NOL8: variants seen among roughly 807,000 people sequenced by gnomAD.
The protein encoded by NOL8 is nucleolar protein Nop132.
A neutral mutation model predicts 116.1 loss-of-function variants in NOL8; 93 were observed. The observed-to-expected ratio is 0.80, with a 90% CI of 0.68 to 0.95. The LOEUF is 0.95. Ranked by LOEUF, NOL8 falls within the 40% of genes least tolerant of loss-of-function variation. The probability of loss-of-function intolerance (pLI) is 0.00; values close to 1 mark genes in which losing one functional copy is unlikely to be tolerated. For missense variants in NOL8, 1,291 were observed against 1,382.8 expected, an observed-to-expected ratio of 0.93 and a Z score of 1.05; for synonymous variants, 419 against 469.0, an observed-to-expected ratio of 0.89 and a Z score of 1.38.
chr9:92,298,503 A>AT, intron 15 of NOL8, 167 bp from the exon 16 acceptor site: 1 of 566,046 alleles, frequency 1.8e-6, no homozygotes, highest in East Asian at 3.0e-5. Flanking sequence ...AATGAAAAAT[A>AT]TAATATTGCT....
chr9:92,310,612 C>T lies in NOL8; in HGVS notation c.2536G>A (p.Glu846Lys). The change falls in exon 9 of 17, where the codon GAA (glutamate) becomes AAA (lysine). Residue 846 changes from glutamate to lysine, a missense_variant. Glu to Lys is a moderately conservative substitution (Grantham distance 56). Coordinates refer to ENST00000442668, the MANE Select transcript of NOL8 (RefSeq NM_017948.6). ...DSSDDDESDS[E>K]DDSNRFKIKP... is the part of the protein sequence containing the mutation. The stretch of plus-strand genomic sequence containing the variant: ...ATTTTGAACCTATTACTGTCATCTT[C>T]AGAATCAGATTCGTCATCATCACTG... 1 of 1,613,418 alleles carries T rather than the reference C, an allele frequency of 6.2e-7. No individual in the cohort carries two copies. Among genetic ancestry groups the T allele is most frequent in the South Asian group, 1.1e-5 (1 of 90,984 alleles).
Position 92,316,130 on chromosome 9 carries a change from T to A in NOL8, c.495A>T (p.Lys165Asn), listed in dbSNP as rs367851135. 6.2e-7 allele frequency: 1 copy of A among 1,612,224 alleles called. No individual in the cohort carries two copies. The highest frequency in any genetic ancestry group is 2.2e-5 in the East Asian group (1 of 44,868). ...LKNQHKRKII[K>N]YDPSKYCHNL... is the part of the protein sequence containing the mutation. ...TGTGGCAGTATTTTGAGGGATCATA[T>A]TTGATGATGTTACGCAAGTCAAGAA... Residue 165 changes from lysine to asparagine, a missense_variant, in exon 7 of 17, where the codon AAA (lysine) becomes AAT (asparagine). Physicochemically the swap from Lys to Asn is moderately conservative, Grantham distance 94 (BLOSUM62 0). Transcript: ENST00000442668.
rs1272971017 is a variant in NOL8 at position 92,307,166 on chromosome 9, T to C, written c.2687-142A>G. On this transcript the variant is annotated intron_variant, in intron 10 of 16. Coordinates refer to ENST00000442668, the MANE Select transcript of NOL8 (RefSeq NM_017948.6). Reference sequence around the variant, plus strand: ...AAACTTTAACCTCATTTCACTAACCTCCATAACCAAAGACCCTCAGTCATA... The same window carrying C: ...AAACTTTAACCTCATTTCACTAACCCCCATAACCAAAGACCCTCAGTCATA... 7 of 786,290 alleles carry C rather than the reference T, an allele frequency of 8.9e-6. No homozygotes were observed. In the African/African-American group the frequency reaches 1.0e-4, roughly 12 times the overall value. The allele number at this position is 786,290 out of a possible 1,614,324, so 48.7% of individuals were successfully genotyped here.
At position 92,305,734 on chromosome 9, in the gene NOL8, A is replaced by C; in HGVS notation, c.2903+19T>G. ...TTAATTTACATGATCCTATTGCTAA[A>C]AGAAGTAGCTCTACTTACCTTTCTT... On this transcript the variant is annotated intron_variant, in intron 12 of 16. Transcript: ENST00000442668. 1 of 1,533,404 alleles carries C rather than the reference A, an allele frequency of 6.5e-7. No individual in the cohort carries two copies. Among genetic ancestry groups the C allele is most frequent in the Non-Finnish European group, 9.0e-7 (1 of 1,108,218 alleles). 95.0% of individuals were successfully genotyped at this position (1,533,404 alleles called of 1,614,324 possible). A position where few individuals can be genotyped will look rare whatever the true frequency, so the allele number is the denominator to read the frequency against.
intron 11 of NOL8, among the ~76,000 whole-genome samples, 194 bp from the exon 12 acceptor site, chr9:92,306,024 C>T (rs1171349647): frequency 1.3e-5 from 2 of 152,148 alleles, no homozygotes; most frequent in African/African-American, 4.8e-5. Context: ...GACAGAGTCT[C>T]GCTGTGTTGC....
rs779455720 is a variant in NOL8, at chr9:92,299,978, C to T, written c.3214G>A (p.Val1072Ile). 1.1e-5 allele frequency: 18 copies of T among 1,613,454 alleles called. No homozygotes were observed. The East Asian group carries it at 3.8e-4, about 34-fold the overall frequency. ...TGTAAACGAGGGTCTTCCTGCCAGA[C>T]AATCTTTCCAGGTTTCACTGTTTCA... Reference protein sequence around the residue: ...RVETVKPGKIVWQEDPRLQDS... With the variant: ...RVETVKPGKIIWQEDPRLQDS... Residue 1072 changes from valine to isoleucine, a missense_variant, in exon 14 of 17, where the codon GTC (valine) becomes ATC (isoleucine). By Grantham distance (29) the Val-to-Ile change is conservative (BLOSUM62 3). Coordinates refer to ENST00000442668, the MANE Select transcript of NOL8 (RefSeq NM_017948.6).
rs1394320785 is a variant in NOL8, at chr9:92,318,599, T to C, written c.486+19A>G. On this transcript the variant is annotated intron_variant, in intron 6 of 16. Transcript: ENST00000442668. ...TCCGTCACTGTGGTAAATAATTATGTTGAGAGGCCAAAGGATATTTTACGT... is the reference window on the plus strand; with the variant it reads ...TCCGTCACTGTGGTAAATAATTATGCTGAGAGGCCAAAGGATATTTTACGT... The C allele has an allele frequency of 6.5e-7, 1 of 1,547,768 alleles. No homozygotes were observed. The highest frequency in any genetic ancestry group is 8.9e-7 in the Non-Finnish European group (1 of 1,129,790).
At chr9:92,298,529 T>C in intron 15 of NOL8, 193 bp from the exon 16 acceptor site, 2 of 516,376 alleles carry the variant, frequency 3.9e-6, no homozygotes, top group Non-Finnish European at 6.8e-6. Flanking sequence ...TGTTTATATA[T>C]ATCATTTACT....
chr9:92,301,396 G>A (rs1050359084), intron 13 of NOL8, among the ~76,000 whole-genome samples, 155 bp downstream of exon 13: 28 of 152,122 alleles, frequency 1.8e-4, no homozygotes, highest in African/African-American at 6.3e-4. Context: ...CAGGAACATC[G>A]TGTTTATGCT....
chr9:92,324,221 G>T lies in NOL8; in HGVS notation c.-48-12C>A. On this transcript the variant is annotated splice_polypyrimidine_tract_variant and intron_variant, in intron 1 of 16. Coordinates refer to ENST00000442668, the MANE Select transcript of NOL8 (RefSeq NM_017948.6). ...GGAAAAGTAATTTTCTGTATACAGAGAAGAGTTCTTTCCCTTAGTTCTTCT... is the reference window on the plus strand; with the variant it reads ...GGAAAAGTAATTTTCTGTATACAGATAAGAGTTCTTTCCCTTAGTTCTTCT... The T allele has an allele frequency of 6.5e-7, 1 of 1,533,866 alleles. No individual in the cohort carries two copies. Among genetic ancestry groups the T allele is most frequent in the Non-Finnish European group, 8.8e-7 (1 of 1,132,858 alleles).
chr9:92,321,955 C>G (rs1187396670), intron 3 of NOL8, among the ~76,000 whole-genome samples: 2 of 152,132 alleles, frequency 1.3e-5, no homozygotes, highest in African/African-American at 4.8e-5. Context: ...TTTACACTCC[C>G]TATCTCACAG....
intron 12 of NOL8, among the ~76,000 whole-genome samples, chr9:92,303,200 T>A (rs1168502681): frequency 6.6e-6 from 1 of 151,994 alleles, no homozygotes; most frequent in Non-Finnish European, 1.5e-5. Flanking sequence ...GCAAATGACA[T>A]GAAATTTAAG....
chr9:92,312,912 C>T (rs924169610), intron 7 of NOL8, among the ~76,000 whole-genome samples: 2 of 151,282 alleles, frequency 1.3e-5, no homozygotes, highest in Non-Finnish European at 2.9e-5. Flanking sequence ...ATCTGTACAC[C>T]GAACCTCCAA....
At chr9:92,318,481 G>A in intron 6 of NOL8, 137 bp downstream of exon 6, 1 of 655,332 alleles carries the variant, frequency 1.5e-6, no homozygotes, top group South Asian at 1.8e-5. Flanking sequence ...TTTCATACAT[G>A]TAGGTGAGTA....
rs768533082 is a variant in NOL8, at chr9:92,316,090, C to G, written c.535G>C (p.Gly179Arg). Residue 179 changes from glycine (G) to arginine (R), a missense_variant, in exon 7 of 17, where the codon GGG becomes CGG. Physicochemically the swap from Gly to Arg is moderately radical, Grantham distance 125. Coordinates refer to ENST00000442668, the MANE Select transcript of NOL8 (RefSeq NM_017948.6). ...SKYCHNLKKIGEDFSNTIPIS... is the reference protein window; with the variant it reads ...SKYCHNLKKIREDFSNTIPIS... ...GGAATGGTGTTTGAGAAATCCTCCC[C>G]TATCTTCTTCAGGTTGTGGCAGTAT... 6.2e-7 allele frequency: 1 copy of G among 1,613,930 alleles called. No homozygotes were observed. The highest frequency in any genetic ancestry group is 1.3e-5 in the African/African-American group (1 of 75,046).
rs1364515899 is a variant in NOL8, at chr9:92,318,703, G to A, written c.418-17C>T. ...AACCCAATTCTAAAAGAAAAAAAAA[G>A]AATTTATTTACTATATGTGACACAA... On this transcript the variant is annotated splice_polypyrimidine_tract_variant and intron_variant, in intron 5 of 16. Transcript: ENST00000442668. 1 of 1,502,328 alleles carries A rather than the reference G, an allele frequency of 6.7e-7. No homozygotes were observed. The highest frequency in any genetic ancestry group is 9.0e-7 in the Non-Finnish European group (1 of 1,106,568). The allele number at this position is 1,502,328 out of a possible 1,614,324, so 93.1% of individuals were successfully genotyped here.
intron 9 of NOL8, 93 bp from the exon 10 acceptor site, chr9:92,310,354 A>C: frequency 8.1e-7 from 1 of 1,230,914 alleles, no homozygotes; most frequent in Non-Finnish European, 1.2e-6. Context: ...CCACACACTG[A>C]AATTCACTAC....
At chr9:92,310,780 T>C (rs1838704436) in intron 8 of NOL8, 105 bp from the exon 9 acceptor site, 1 of 1,253,826 alleles carries the variant, frequency 8.0e-7, no homozygotes. Flanking sequence ...CCCAGACTCA[T>C]CTACCAGGAA....
Position 92,315,271 on chromosome 9 carries a change from G to A in NOL8, c.1354C>T (p.His452Tyr), listed in dbSNP as rs144837003. The A allele has an allele frequency of 1.2e-6, 2 of 1,613,988 alleles. No individual in the cohort carries two copies. The highest frequency in any genetic ancestry group is 1.7e-6 in the Non-Finnish European group (2 of 1,179,862). ...LKSLNRKSPS[H>Y]SSSSEDADSA... ...TCAGCATCTTCACTGCTACTGGAGT[G>A]AGAGGGAGATTTACGATTAAGAGAC... The change falls in exon 7 of 17, where the codon CAC becomes TAC. Residue 452 changes from histidine to tyrosine, a missense_variant. His to Tyr is a moderately conservative substitution (Grantham distance 83). Coordinates refer to ENST00000442668, the MANE Select transcript of NOL8 (RefSeq NM_017948.6).
Sources: allele counts gnomAD v4.1 joint callset (sites outside exome capture counted in the v4.1 genomes callset), GRCh38; gene constraint gnomAD v4.1.1; transcripts MANE v1.5; gene names NCBI Gene and HGNC (gene_info 2026-07-23, HGNC 2026-07-21).